The following PDE4D variants were observed in gnomAD, a reference collection of about 807,000 sequenced individuals.
PDE4D encodes the protein phosphodiesterase 4D.
Under a neutral mutation model 87.4 loss-of-function variants are expected in PDE4D, and 24 were observed. The ratio of observed to expected loss-of-function variants is 0.27; its 90% CI spans 0.20 to 0.39. The LOEUF is 0.39. Ranked by LOEUF, PDE4D falls within the 10% of genes least tolerant of loss-of-function variation. PDE4D has a pLI of 1.00. For synonymous variants in PDE4D, 384 were observed against 383.2 expected (o/e 1.00, Z -0.02); for missense variants, 714 against 1,041.0 (o/e 0.69, Z 4.32).
intron 1 of PDE4D, among the ~76,000 whole-genome samples, chr5:59,794,377 A>G (rs1766210561): frequency 6.6e-6 from 1 of 152,176 alleles, no homozygotes; most frequent in South Asian, 2.1e-4. Context: ...CATGAAGAAA[A>G]GACAAAAGAA....
At chr5:60,163,808 G>C (rs1387504065) in intron 2 of PDE4D, among the ~76,000 whole-genome samples, 2 of 152,068 alleles carry the variant, frequency 1.3e-5, no homozygotes, top group African/African-American at 2.4e-5. Context: ...ACAAGAAAGG[G>C]GCAAGATTTG....
chr5:59,320,543 T>C (rs537966027), intron 1 of PDE4D, among the ~76,000 whole-genome samples: 3 of 152,276 alleles, frequency 2.0e-5, no homozygotes, highest in South Asian at 4.1e-4. Context: ...TTTATACTTA[T>C]TTGATGTAAT....
At position 60,213,146 on chromosome 5, in the gene PDE4D, C is replaced by T. The variant is rs1380931974; in HGVS notation, c.-89-27459G>A. Reference sequence around the variant, plus strand: ...ACCTGTATTGTGGAGTCTGGAAAGGCAAAAACTACAATTATCAGACTACTT... The same window carrying T: ...ACCTGTATTGTGGAGTCTGGAAAGGTAAAAACTACAATTATCAGACTACTT... On this transcript the variant is annotated intron_variant, in intron 1 of 16. Transcript: ENST00000502484. Among the ~76,000 whole-genome samples, 4 of 152,276 alleles carry T rather than the reference C, an allele frequency of 2.6e-5. No homozygotes were observed. The East Asian group carries it at 7.7e-4, about 29-fold the overall frequency.
intron 1 of PDE4D, among the ~76,000 whole-genome samples, chr5:60,204,960 G>A (rs115758579): frequency 6.6e-6 from 1 of 152,192 alleles, no homozygotes; most frequent in Non-Finnish European, 1.5e-5. Flanking sequence ...CTGACATATA[G>A]TAAGCATCAA....
At chr5:60,303,484 T>A (rs1414433780) in intron 1 of PDE4D, among the ~76,000 whole-genome samples, 1 of 151,970 alleles carries the variant, frequency 6.6e-6, no homozygotes, top group African/African-American at 2.4e-5. Flanking sequence ...AATTTTTGTA[T>A]TTTTAGTAGA....
intron 1 of PDE4D, among the ~76,000 whole-genome samples, chr5:59,416,980 C>G (rs1160795249): frequency 3.9e-5 from 6 of 152,034 alleles, no homozygotes; most frequent in African/African-American, 1.4e-4. Context: ...TATGTACATA[C>G]AATACATATA....
chr5:59,561,406 T>A (rs1819953363), intron 1 of PDE4D, among the ~76,000 whole-genome samples: 1 of 152,228 alleles, frequency 6.6e-6, no homozygotes, highest in Non-Finnish European at 1.5e-5. Context: ...TTAAGTGTGT[T>A]CCTTGTTAAA....
chr5:59,720,354 G>T (rs1755655501), intron 1 of PDE4D, among the ~76,000 whole-genome samples: 1 of 152,080 alleles, frequency 6.6e-6, no homozygotes, highest in Non-Finnish European at 1.5e-5. Flanking sequence ...ATGCTGCCCA[G>T]GCCTGTCTTG....
At chr5:59,836,657 TCATCTATCTAC>T (rs1343693511) in intron 1 of PDE4D, among the ~76,000 whole-genome samples, 4 of 143,646 alleles carry the variant, frequency 2.8e-5, no homozygotes, top group Non-Finnish European at 4.5e-5. Flanking sequence ...TATCTATCTA[TCATCTATCTAC>T]CTATCTATCT....
chr5:59,103,639 C>T (rs1253963331), intron 5 of PDE4D, among the ~76,000 whole-genome samples: 1 of 152,194 alleles, frequency 6.6e-6, no homozygotes, highest in Admixed American at 6.5e-5. Context: ...GGCTGGCAAG[C>T]TTCTCCCTTT....
chr5:59,453,260 C>T (rs1393355000), intron 1 of PDE4D, among the ~76,000 whole-genome samples: 1 of 152,124 alleles, frequency 6.6e-6, no homozygotes, highest in Non-Finnish European at 1.5e-5. Context: ...CTCTCTTTCT[C>T]CTCAGTCCTC....
intron 1 of PDE4D, among the ~76,000 whole-genome samples, chr5:59,216,556 C>T (rs1301708572): frequency 6.6e-6 from 1 of 152,064 alleles, no homozygotes; most frequent in Non-Finnish European, 1.5e-5. Flanking sequence ...AGTTTAAAAC[C>T]CTTCAGTAAC....
In PDE4D at chr5:60,042,157, G is replaced by A. The variant is rs543035999; in HGVS notation, c.43-53440C>T. On this transcript the variant is annotated intron_variant, in intron 2 of 16. Coordinates refer to the PDE4D transcript ENST00000502484. ...TGCTATTACTGAGGCTTCAGTAGGC[G>A]GTTTTCTCCTCACAGTGTAAACAAA... Among the ~76,000 whole-genome samples the A allele has an allele frequency of 7.8e-4, 119 of 152,228 alleles. 1 individual carries two copies. Among genetic ancestry groups the A allele is most frequent in the African/African-American group, 2.8e-3 (115 of 41,536 alleles).
At chr5:59,633,486 G>C (rs61484479) in intron 1 of PDE4D, among the ~76,000 whole-genome samples, 4 of 152,158 alleles carry the variant, frequency 2.6e-5, no homozygotes, top group African/African-American at 7.2e-5. Context: ...GGCAGCCAGA[G>C]AGAAAGGTTG....
intron 1 of PDE4D, among the ~76,000 whole-genome samples, chr5:60,468,910 A>G (rs1159208193): frequency 6.6e-6 from 1 of 151,992 alleles, no homozygotes; most frequent in Non-Finnish European, 1.5e-5. Context: ...TATCCCTGCC[A>G]GCTCTCTCCA....
At chr5:59,018,723 A>C (rs1429942379) in intron 6 of PDE4D, among the ~76,000 whole-genome samples, 2 of 152,146 alleles carry the variant, frequency 1.3e-5, no homozygotes, top group African/African-American at 4.8e-5. Context: ...AATTCACAAA[A>C]GTGTTGTTCC....
chr5:59,337,512 T>C (rs1330035327), intron 1 of PDE4D, among the ~76,000 whole-genome samples: 1 of 152,060 alleles, frequency 6.6e-6, no homozygotes, highest in African/African-American at 2.4e-5. Flanking sequence ...GCTAACATTT[T>C]TGCAGTATTT....
chr5:60,153,720 G>A (rs746417962), intron 2 of PDE4D, among the ~76,000 whole-genome samples: 8 of 152,218 alleles, frequency 5.3e-5, no homozygotes, highest in African/African-American at 1.7e-4. Context: ...GCAACAACAC[G>A]TTTGAACCTA....
At chr5:60,505,454 AC>A in intron 1 of PDE4D, among the ~76,000 whole-genome samples, 1 of 152,262 alleles carries the variant, frequency 6.6e-6, no homozygotes, top group African/African-American at 2.4e-5. Flanking sequence ...GAGCTCTCAA[AC>A]CCAGAAAGCA....
Sources: allele counts gnomAD v4.1 joint callset (sites outside exome capture counted in the v4.1 genomes callset), GRCh38; gene constraint gnomAD v4.1.1; transcripts MANE v1.5; gene names NCBI Gene and HGNC (gene_info 2026-07-23, HGNC 2026-07-21).